The following EYS variants were observed in gnomAD, a reference collection of about 807,000 sequenced individuals.
EYS encodes EGF-like photoreceptor maintenance factor, also known as protein eyes shut homolog.
In EYS, 250 loss-of-function variants were observed where a neutral mutation model predicts 282.1. That is an observed-to-expected ratio of 0.89 (90% confidence interval 0.80 to 0.98). EYS has a LOEUF of 0.98. EYS is among the 50% of genes least tolerant of loss of function. The pLI, the probability that EYS is intolerant of heterozygous loss-of-function variation, is 0.00. For missense variants in EYS, 4,016 were observed against 3,709.0 expected (o/e 1.08, Z -2.15); for synonymous variants, 1,355 against 1,282.9 (o/e 1.06, Z -1.20).
chr6:65,251,018 A>T (rs1176413442), intron 12 of EYS, among the ~76,000 whole-genome samples: 6 of 148,744 alleles, frequency 4.0e-5, no homozygotes, highest in Non-Finnish European at 8.9e-5. Flanking sequence ...AAAATAGATA[A>T]GAAAAATATA....
At chr6:65,338,286 TAAG>T (rs1397285298) in intron 10 of EYS, among the ~76,000 whole-genome samples, 9 of 148,576 alleles carry the variant, frequency 6.1e-5, no homozygotes, top group African/African-American at 2.1e-4. Flanking sequence ...AATTTACACA[TAAG>T]AAGTCTCTCA....
intron 2 of EYS, among the ~76,000 whole-genome samples, chr6:65,619,990 A>G (rs1041708356): frequency 1.3e-5 from 2 of 152,018 alleles, no homozygotes; most frequent in Admixed American, 6.6e-5. Flanking sequence ...ATCAATGTTC[A>G]TCAAGGATAT....
At chr6:64,287,845 A>C (rs528079972) in intron 30 of EYS, among the ~76,000 whole-genome samples, 3 of 152,266 alleles carry the variant, frequency 2.0e-5, no homozygotes, top group African/African-American at 7.2e-5. Flanking sequence ...GGCTGATATG[A>C]AGTAACCCTA....
At chr6:64,787,355 T>C (rs1179299958) in intron 22 of EYS, among the ~76,000 whole-genome samples, 1 of 152,186 alleles carries the variant, frequency 6.6e-6, no homozygotes, top group African/African-American at 2.4e-5. Flanking sequence ...AAAGACATTT[T>C]TCCTAAAGTT....
At chr6:64,162,626 A>G (rs1775143071) in intron 31 of EYS, among the ~76,000 whole-genome samples, 1 of 152,144 alleles carries the variant, frequency 6.6e-6, no homozygotes, top group Non-Finnish European at 1.5e-5. Flanking sequence ...TCTCAACCCA[A>G]TCAGAGGAAG....
chr6:64,029,559 GAT>G (rs1769716910), intron 33 of EYS, among the ~76,000 whole-genome samples: 1 of 152,182 alleles, frequency 6.6e-6, no homozygotes, highest in African/African-American at 2.4e-5. Flanking sequence ...TCTCCCAGAG[GAT>G]GGGGAACCAA....
At chr6:65,625,331 T>G (rs373478099) in intron 2 of EYS, among the ~76,000 whole-genome samples, 1 of 152,220 alleles carries the variant, frequency 6.6e-6, no homozygotes, top group African/African-American at 2.4e-5. Flanking sequence ...AATTCTGACC[T>G]CTTGAAACTG....
chr6:65,202,699 C>A (rs1427106190), intron 12 of EYS, among the ~76,000 whole-genome samples: 3 of 152,154 alleles, frequency 2.0e-5, no homozygotes, highest in Non-Finnish European at 4.4e-5. Flanking sequence ...GCTGTGGTTT[C>A]TGCTGCAGGA....
chr6:64,945,225 A>G (rs1769245584), intron 15 of EYS, among the ~76,000 whole-genome samples: 1 of 151,990 alleles, frequency 6.6e-6, no homozygotes, highest in Admixed American at 6.6e-5. Context: ...TTCAACAAGC[A>G]AAAAACAACT....
chr6:65,552,432 T>C (rs1768628631), intron 2 of EYS, among the ~76,000 whole-genome samples: 1 of 152,182 alleles, frequency 6.6e-6, no homozygotes, highest in African/African-American at 2.4e-5. Context: ...ATCATTATAC[T>C]TAACATGAAA....
chr6:64,497,499 C>G (rs762961175), intron 26 of EYS, among the ~76,000 whole-genome samples: 46 of 152,058 alleles, frequency 3.0e-4, no homozygotes, highest in Non-Finnish European at 6.2e-4. Flanking sequence ...AACAAGAAAC[C>G]CACTGACAAG....
At chr6:65,020,123 G>A (rs538884473) in intron 13 of EYS, among the ~76,000 whole-genome samples, 20 of 151,912 alleles carry the variant, frequency 1.3e-4, no homozygotes, top group Non-Finnish European at 2.2e-4. Context: ...TTCTACCCTG[G>A]CCCCTCCCAA....
chr6:64,156,426 G>A (rs909909371), intron 31 of EYS, among the ~76,000 whole-genome samples: 2 of 152,104 alleles, frequency 1.3e-5, no homozygotes, highest in Non-Finnish European at 2.9e-5. Flanking sequence ...TCAGCAATGT[G>A]AAAAGGAACT....
At chr6:65,681,033 C>T (rs1262132347) in intron 1 of EYS, among the ~76,000 whole-genome samples, 1 of 151,222 alleles carries the variant, frequency 6.6e-6, no homozygotes, top group Non-Finnish European at 1.5e-5. Context: ...AACCAAATGT[C>T]ATCATCTATG....
chr6:65,664,094 T>C (rs918627359), intron 1 of EYS, among the ~76,000 whole-genome samples: 2 of 151,928 alleles, frequency 1.3e-5, no homozygotes, highest in Admixed American at 6.6e-5. Flanking sequence ...ATGGTCTCCA[T>C]CTCCTGACCT....
At chr6:64,722,227 G>A (rs1389894594) in intron 22 of EYS, among the ~76,000 whole-genome samples, 1 of 152,110 alleles carries the variant, frequency 6.6e-6, no homozygotes, top group Non-Finnish European at 1.5e-5. Flanking sequence ...GTGACAGATG[G>A]TGAGACTGTA....
At chr6:64,199,083 T>C (rs1235635777) in intron 31 of EYS, among the ~76,000 whole-genome samples, 1 of 152,090 alleles carries the variant, frequency 6.6e-6, no homozygotes, top group Admixed American at 6.6e-5. Flanking sequence ...GAGCAGTGAC[T>C]ACTTTAAATT....
intron 33 of EYS, among the ~76,000 whole-genome samples, chr6:64,033,672 C>G (rs1769971271): frequency 8.1e-6 from 1 of 122,906 alleles, no homozygotes; most frequent in Non-Finnish European, 1.7e-5. Flanking sequence ...TAATTATATT[C>G]AGATCAGATA....
Position 65,490,608 on chromosome 6 carries a change from T to C in EYS, c.848A>G (p.Asp283Gly). The change falls in exon 5 of 43, where the codon GAT becomes GGT. Residue 283 changes from aspartate to glycine, a missense_variant. Physicochemically the swap from Asp to Gly is moderately conservative, Grantham distance 94. Coordinates refer to ENST00000503581, the MANE Select transcript of EYS (RefSeq NM_001142800.2). ...GCATTTTTTACCTGAAAATTGCTCA[T>C]CACATTCACAAATGAAACTATTTGA... ...ITSNSFICEC[D>G]EQFSGPFCEV... The C allele has an allele frequency of 6.2e-7, 1 of 1,607,200 alleles. No individual in the cohort carries two copies. Among genetic ancestry groups the C allele is most frequent in the East Asian group, 2.2e-5 (1 of 44,656 alleles).
Sources: gnomAD v4.1 joint callset for allele counts (sites outside exome capture counted in the v4.1 genomes callset) on GRCh38, gnomAD v4.1.1 for gene constraint, MANE v1.5 for transcripts, NCBI Gene and HGNC (gene_info 2026-07-23, HGNC 2026-07-21) for gene names.